Variants in SLC4A4 observed in about 807,000 individuals in gnomAD.
SLC4A4 encodes the protein electrogenic sodium bicarbonate cotransporter 1.
A neutral mutation model predicts 111.5 loss-of-function variants in SLC4A4; 27 were observed. The observed-to-expected ratio is 0.24, with a 90% CI of 0.18 to 0.33. SLC4A4 has a LOEUF of 0.33. Ranked by LOEUF, SLC4A4 falls within the 10% of genes least tolerant of loss-of-function variation. The pLI, the probability that SLC4A4 is intolerant of heterozygous loss-of-function variation, is 1.00. For synonymous variants in SLC4A4, 443 were observed against 463.4 expected (o/e 0.96, Z 0.57); for missense variants, 909 against 1,315.5 (o/e 0.69, Z 4.78).
intron 3 of SLC4A4, among the ~76,000 whole-genome samples, chr4:71,298,180 T>C (rs921304241): frequency 6.6e-6 from 1 of 152,162 alleles, no homozygotes; most frequent in Non-Finnish European, 1.5e-5. Flanking sequence ...GCTGGTACAA[T>C]AAAAAGTTAG....
chr4:71,520,789 C>T (rs1478331003), intron 16 of SLC4A4, among the ~76,000 whole-genome samples: 1 of 152,068 alleles, frequency 6.6e-6, no homozygotes, highest in Non-Finnish European at 1.5e-5. Context: ...AAATTCAAAA[C>T]ATGGTTGACT....
intron 6 of SLC4A4, among the ~76,000 whole-genome samples, chr4:71,357,403 G>A (rs530993063): frequency 8.5e-5 from 13 of 152,140 alleles, no homozygotes; most frequent in Non-Finnish European, 1.8e-4. Context: ...CTAATGCCAC[G>A]GTGACTTGCT....
intron 1 of SLC4A4, among the ~76,000 whole-genome samples, chr4:71,204,889 T>C (rs1717658954): frequency 6.6e-6 from 1 of 151,808 alleles, no homozygotes; most frequent in African/African-American, 2.4e-5. Flanking sequence ...AGAAAGACAA[T>C]GAGAGAGGCT....
chr4:71,420,851 G>T (rs1579062713), intron 7 of SLC4A4, among the ~76,000 whole-genome samples: 2 of 149,438 alleles, frequency 1.3e-5, no homozygotes, highest in African/African-American at 2.5e-5. Context: ...AACATGGAAA[G>T]GAACAACCGG....
At chr4:71,108,859 G>A (rs1029670838) in intron 2 of SLC4A4, among the ~76,000 whole-genome samples, 2 of 151,560 alleles carry the variant, frequency 1.3e-5, no homozygotes, top group South Asian at 4.2e-4. Context: ...CTCTTTATTG[G>A]TATTTCAATC....
At chr4:71,490,948 T>C (rs1456434890) in intron 15 of SLC4A4, among the ~76,000 whole-genome samples, 1 of 151,846 alleles carries the variant, frequency 6.6e-6, no homozygotes, top group African/African-American at 2.4e-5. Context: ...AGACTATGTA[T>C]TAATATCTTA....
chr4:71,180,799 A>G (rs1260973338), intron 2 of SLC4A4, among the ~76,000 whole-genome samples: 4 of 152,196 alleles, frequency 2.6e-5, no homozygotes, highest in African/African-American at 9.7e-5. Context: ...GCGATTCCTC[A>G]GGGATCTAGA....
chr4:71,486,134 T>A (rs1729378739), intron 14 of SLC4A4, among the ~76,000 whole-genome samples: 1 of 151,532 alleles, frequency 6.6e-6, no homozygotes, highest in Non-Finnish European at 1.5e-5. Context: ...TGATGTGTTG[T>A]TTTATAATAT....
chr4:71,518,220 G>A (rs886437563), intron 16 of SLC4A4, among the ~76,000 whole-genome samples: 2 of 152,244 alleles, frequency 1.3e-5, no homozygotes, highest in South Asian at 2.1e-4. Context: ...GAAGCTGGTT[G>A]TATGGGTGCT....
intron 1 of SLC4A4, among the ~76,000 whole-genome samples, chr4:71,231,274 G>A (rs1192921382): frequency 2.0e-5 from 3 of 152,210 alleles, no homozygotes; most frequent in East Asian, 3.9e-4. Flanking sequence ...GGACTAGCTG[G>A]TGAGCACGTT....
At chr4:71,378,799 T>C (rs1717802265) in intron 6 of SLC4A4, among the ~76,000 whole-genome samples, 1 of 152,180 alleles carries the variant, frequency 6.6e-6, no homozygotes, top group African/African-American at 2.4e-5. Context: ...GTAAGCTGAA[T>C]ATTTATTGTG....
intron 1 of SLC4A4, among the ~76,000 whole-genome samples, chr4:71,201,760 G>C (rs1746263915): frequency 6.6e-6 from 1 of 152,148 alleles, no homozygotes; most frequent in South Asian, 2.1e-4. Flanking sequence ...TTCTTTGCAA[G>C]AGGAAAACAT....
chr4:71,242,778 GTTA>G (rs1342331702), intron 2 of SLC4A4, among the ~76,000 whole-genome samples: 1 of 150,348 alleles, frequency 6.7e-6, no homozygotes, highest in Admixed American at 6.6e-5. Flanking sequence ...ATTTTCTTTG[GTTA>G]TTATAATCTT....
chr4:71,183,931 T>G (rs1024913037), upstream of SLC4A4, among the ~76,000 whole-genome samples: 6 of 152,246 alleles, frequency 3.9e-5, no homozygotes, highest in African/African-American at 1.4e-4. Flanking sequence ...GAAATGCCTA[T>G]GAATGTTATA....
intron 4 of SLC4A4, among the ~76,000 whole-genome samples, chr4:71,345,539 G>A (rs1479258527): frequency 6.6e-6 from 1 of 152,060 alleles, no homozygotes; most frequent in African/African-American, 2.4e-5. Context: ...AGCCAACAAA[G>A]GAAAGGGGTA....
intron 15 of SLC4A4, among the ~76,000 whole-genome samples, chr4:71,489,109 C>T (rs115299211): frequency 0.013 from 1,913 of 151,684 alleles, 19 homozygotes; most frequent in Non-Finnish European, 0.019. Context: ...CTACTAGGTG[C>T]CAGACTCTTC....
chr4:71,385,191 A>ATATATATATATATTTT (rs56949097), intron 6 of SLC4A4, among the ~76,000 whole-genome samples: 2 of 11,902 alleles, frequency 1.7e-4, no homozygotes, highest in Non-Finnish European at 3.2e-4. Context: ...ATATATATAT[A>ATATATATATATATTTT]TTTTTTTTTT....
intron 2 of SLC4A4, among the ~76,000 whole-genome samples, chr4:71,240,390 T>C (rs577723741): frequency 1.3e-3 from 192 of 152,286 alleles, no homozygotes; most frequent in Non-Finnish European, 2.4e-3. Flanking sequence ...TAACATCAAG[T>C]TCAACCAACA....
intron 1 of SLC4A4, among the ~76,000 whole-genome samples, chr4:71,202,944 G>A (rs1746321242): frequency 6.7e-6 from 1 of 149,104 alleles, no homozygotes; most frequent in South Asian, 2.1e-4. Flanking sequence ...TGTTATGTGA[G>A]CCAAGAACCT....
Sources: gnomAD v4.1 joint callset for allele counts (sites outside exome capture counted in the v4.1 genomes callset) on GRCh38, gnomAD v4.1.1 for gene constraint, MANE v1.5 for transcripts, NCBI Gene and HGNC (gene_info 2026-07-23, HGNC 2026-07-21) for gene names.